The following PCBP3 variants were observed in gnomAD, a reference collection of about 807,000 sequenced individuals.
The protein encoded by PCBP3 is poly(rC) binding protein 3.
A neutral mutation model predicts 52.7 loss-of-function variants in PCBP3; 25 were observed. The observed-to-expected ratio is 0.47, with a 90% CI of 0.35 to 0.66. The LOEUF (loss-of-function observed/expected upper bound fraction) is 0.66, where lower values mean the gene tolerates loss of function less well. Ranked by LOEUF, PCBP3 falls within the 30% of genes least tolerant of loss-of-function variation. The pLI is 0.01. For synonymous variants in PCBP3, 162 were observed against 183.0 expected, an observed-to-expected ratio of 0.89 and a Z score of 0.93; for missense variants, 391 against 490.3, an observed-to-expected ratio of 0.80 and a Z score of 1.91.
chr21:45,774,337 C>T (rs555283306), intron 4 of PCBP3, among the ~76,000 whole-genome samples: 3 of 151,438 alleles, frequency 2.0e-5, no homozygotes, highest in Non-Finnish European at 2.9e-5. Context: ...AACCTGTGAA[C>T]CGAGATTGCG....
At chr21:45,895,379 C>T (rs1642276057) in intron 5 of PCBP3, among the ~76,000 whole-genome samples, 1 of 152,162 alleles carries the variant, frequency 6.6e-6, no homozygotes, top group Admixed American at 6.5e-5. Flanking sequence ...TTTTACGAGC[C>T]AGCCCCCTCG....
At chr21:45,814,408 T>G (rs2092772653) in intron 4 of PCBP3, among the ~76,000 whole-genome samples, 1 of 139,198 alleles carries the variant, frequency 7.2e-6, no homozygotes, top group Non-Finnish European at 1.6e-5. Context: ...TGGTAAGTGG[T>G]GAGTGAGTGG....
chr21:45,857,221 C>T (rs1429984111), intron 5 of PCBP3, among the ~76,000 whole-genome samples: 1 of 152,180 alleles, frequency 6.6e-6, no homozygotes, highest in Non-Finnish European at 1.5e-5. Flanking sequence ...CAAGATATGG[C>T]AAAGAAACAT....
intron 5 of PCBP3, among the ~76,000 whole-genome samples, chr21:45,850,382 G>A (rs1046579771): frequency 2.0e-5 from 3 of 152,266 alleles, no homozygotes; most frequent in South Asian, 2.1e-4. Flanking sequence ...AGCCAGCCCC[G>A]AGAAGCCAAG....
intron 10 of PCBP3, 152 bp downstream of exon 10, chr21:45,909,638 G>A (rs2096286911): frequency 1.4e-6 from 1 of 711,410 alleles, no homozygotes; most frequent in Non-Finnish European, 2.3e-6. Flanking sequence ...GTGCGAGACA[G>A]GAACACAGGA....
At position 45,724,303 on chromosome 21, in the gene PCBP3, C is replaced by T. The variant is rs1028965879; in HGVS notation, c.-199-11089C>T. Among the ~76,000 whole-genome samples, 6 of 152,098 alleles carry T rather than the reference C, an allele frequency of 3.9e-5. No homozygotes were observed. The highest frequency in any genetic ancestry group is 1.2e-4 in the African/African-American group (5 of 41,408). Reference sequence around the variant, plus strand: ...TCCAGGGGTGTCCAGCTGTGACCCACCCCGCCCCCTCCCGGTGTTACCCTG... The same window carrying T: ...TCCAGGGGTGTCCAGCTGTGACCCATCCCGCCCCCTCCCGGTGTTACCCTG... On this transcript the variant is annotated intron_variant, in intron 2 of 17. Coordinates refer to ENST00000681687, the MANE Select transcript of PCBP3 (RefSeq NM_001384156.1). This position sits in a 1 kb window ranked among gnomAD's most constrained non-coding sequence, Gnocchi z 5.3.
Position 45,917,727 on chromosome 21 carries a change from A to G in PCBP3, c.717+98A>G. The stretch of plus-strand genomic sequence containing the variant: ...ATTGCTACTAACATTAATATTACAC[A>G]ATAATATTAATCAACTTCTCAGCGT... On this transcript the variant is annotated intron_variant, in intron 13 of 17. Transcript: ENST00000681687. This position sits in a 1 kb window ranked among gnomAD's most constrained non-coding sequence, Gnocchi z 5.3. The G allele has an allele frequency of 1.1e-6, 1 of 950,784 alleles. No homozygotes were observed. Among genetic ancestry groups the G allele is most frequent in the Non-Finnish European group, 1.7e-6 (1 of 577,690 alleles). 58.9% of individuals were successfully genotyped at this position (950,784 alleles called of 1,614,324 possible). A position where few individuals can be genotyped will look rare whatever the true frequency, so the allele number is the denominator to read the frequency against.
Position 45,809,124 on chromosome 21 carries a change from C to T in PCBP3, c.-125-40837C>T, listed in dbSNP as rs148239607. Among the ~76,000 whole-genome samples, 613 of 152,246 alleles carry T rather than the reference C, an allele frequency of 4.0e-3. 3 individuals are homozygous for T. The highest frequency in any genetic ancestry group is 6.0e-3 in the Non-Finnish European group (407 of 68,020). On this transcript the variant is annotated intron_variant, in intron 4 of 17. Transcript: ENST00000681687. ...TGATGGGTGCAGCAAACCACCATGG[C>T]ATGTGTATACCTGTGTAACAAACCT...
Position 45,911,025 on chromosome 21 carries a change from C to T in PCBP3, c.595C>T (p.Leu199=). Residue 199 remains leucine, a synonymous_variant, in exon 11 of 18, where the codon CTG becomes TTG. Coordinates refer to ENST00000681687, the MANE Select transcript of PCBP3 (RefSeq NM_001384156.1). ...QCVKQICVVM[L]ESPPKGATIP... ...CGTCAAGCAGATCTGTGTGGTCATG[C>T]TGGAGGTACCGTCTGCGCGCCAGGG... is the stretch of plus-strand genomic sequence containing the variant. 4 of 1,609,952 alleles carry T rather than the reference C, an allele frequency of 2.5e-6. No homozygotes were observed. Among genetic ancestry groups the T allele is most frequent in the Non-Finnish European group, 3.4e-6 (4 of 1,179,928 alleles).
At chr21:45,862,189 G>C (rs1291695587) in intron 5 of PCBP3, among the ~76,000 whole-genome samples, 3 of 137,714 alleles carry the variant, frequency 2.2e-5, no homozygotes, top group Non-Finnish European at 3.1e-5. Flanking sequence ...ATTGGGGCGG[G>C]TGGGGGGACA....
In PCBP3 at chr21:45,656,313, A is replaced by G. The variant is rs2080014589; in HGVS notation, c.-279+12445A>G. Reference sequence around the variant, plus strand: ...ATACACCATGGAATACTATGCAGCCATAAAAAAGGATGAGTTCATATCCTT... The same window carrying G: ...ATACACCATGGAATACTATGCAGCCGTAAAAAAGGATGAGTTCATATCCTT... On this transcript the variant is annotated intron_variant, in intron 1 of 17. Transcript: ENST00000681687. This position sits in a 1 kb window ranked among gnomAD's most constrained non-coding sequence, Gnocchi z 4.3. Among the ~76,000 whole-genome samples the G allele has an allele frequency of 6.6e-6, 1 of 152,238 alleles. No individual in the cohort carries two copies. The highest frequency in any genetic ancestry group is 1.5e-5 in the Non-Finnish European group (1 of 68,042).
chr21:45,716,941 ATTAGT>A (rs1253238568), intron 2 of PCBP3, among the ~76,000 whole-genome samples: 1 of 152,146 alleles, frequency 6.6e-6, no homozygotes, highest in Non-Finnish European at 1.5e-5. Context: ...GAATTTGTAG[ATTAGT>A]TTAGGACATA....
chr21:45,866,236 T>TC (rs2094718395), intron 5 of PCBP3, among the ~76,000 whole-genome samples: 1 of 152,192 alleles, frequency 6.6e-6, no homozygotes, highest in African/African-American at 2.4e-5. Flanking sequence ...CAGCTGAGTG[T>TC]CCACACCTTG....
rs375596066 is a variant in PCBP3 at position 45,935,318 on chromosome 21, G to A, written c.909+13G>A. 66 of 1,600,296 alleles carry A rather than the reference G, an allele frequency of 4.1e-5. No individual in the cohort carries two copies. Among genetic ancestry groups the A allele is most frequent in the East Asian group, 2.5e-4 (11 of 44,378 alleles). On this transcript the variant is annotated intron_variant, in intron 16 of 17. Transcript: ENST00000681687. ...CATTCCCAATGATGTGAGTATGCCCGCTGTACCTGCCTGTCCCTGGGTAGA... is the reference window on the plus strand; with the variant it reads ...CATTCCCAATGATGTGAGTATGCCCACTGTACCTGCCTGTCCCTGGGTAGA...
intron 1 of PCBP3, among the ~76,000 whole-genome samples, chr21:45,666,340 C>T (rs764819274): frequency 3.9e-5 from 6 of 152,106 alleles, no homozygotes; most frequent in African/African-American, 1.2e-4. Context: ...TTCTGTTCAT[C>T]GATGGTATGT....
chr21:45,681,046 G>A (rs2081808925), intron 2 of PCBP3, among the ~76,000 whole-genome samples: 1 of 152,168 alleles, frequency 6.6e-6, no homozygotes, highest in Admixed American at 6.5e-5. Flanking sequence ...TCCTTACATG[G>A]CGGAAGGCAG....
intron 11 of PCBP3, among the ~76,000 whole-genome samples, chr21:45,913,259 A>G (rs899172911): frequency 1.8e-4 from 27 of 152,234 alleles, no homozygotes; most frequent in Non-Finnish European, 3.8e-4. Context: ...CATCGTAACT[A>G]TGGGATTTTT....
Position 45,809,880 on chromosome 21 carries a change from G to A in PCBP3, c.-125-40081G>A, listed in dbSNP as rs546278953. ...TCTTGAGAGTGAGTGGGACCTGCTG[G>A]TAAGGTGGGACATCACCCCTGTGAT... On this transcript the variant is annotated intron_variant, in intron 4 of 17. Coordinates refer to ENST00000681687, the MANE Select transcript of PCBP3 (RefSeq NM_001384156.1). Among the ~76,000 whole-genome samples the A allele has an allele frequency of 2.6e-5, 4 of 152,352 alleles. No homozygotes were observed. The South Asian group carries it at 8.3e-4, about 32-fold the overall frequency.
rs1055638100 is a variant in PCBP3 at position 45,904,897 on chromosome 21, G to A, written c.339+3784G>A. Among the ~76,000 whole-genome samples the A allele has an allele frequency of 4.6e-5, 7 of 152,086 alleles. No individual in the cohort carries two copies. The highest frequency in any genetic ancestry group is 3.9e-4 in the East Asian group (2 of 5,188). On this transcript the variant is annotated intron_variant, in intron 9 of 17. Transcript: ENST00000681687. This position sits in a 1 kb window ranked among gnomAD's most constrained non-coding sequence, Gnocchi z 4.8. ...GTAAAGCTTCCCACCAGTGTTGACT[G>A]GAGATATTCATCCAGTCTTTGTAAA...
Sources: allele counts gnomAD v4.1 joint callset (sites outside exome capture counted in the v4.1 genomes callset), GRCh38; gene constraint gnomAD v4.1.1; non-coding constraint Gnocchi (gnomAD v3.1); transcripts MANE v1.5; gene names NCBI Gene and HGNC (gene_info 2026-07-23, HGNC 2026-07-21).